NRXN3: variants seen among roughly 807,000 people sequenced by gnomAD.
The protein encoded by NRXN3 is neurexin 3.
NRXN3 carries 32 observed loss-of-function variants against 137.6 expected under a neutral mutation model. The ratio of observed to expected loss-of-function variants is 0.23; its 90% CI spans 0.18 to 0.31. NRXN3 has a LOEUF of 0.31. NRXN3 is among the 10% of genes least tolerant of loss of function. The pLI, the probability that NRXN3 is intolerant of heterozygous loss-of-function variation, is 1.00. For missense variants in NRXN3, 1,574 were observed against 2,062.5 expected, an observed-to-expected ratio of 0.76 and a Z score of 4.59; for synonymous variants, 798 against 784.5, an observed-to-expected ratio of 1.02 and a Z score of -0.29.
intron 4 of NRXN3, among the ~76,000 whole-genome samples, chr14:78,577,691 C>T (rs961200923): frequency 3.3e-5 from 5 of 152,168 alleles, no homozygotes; most frequent in African/African-American, 1.2e-4. Context: ...TCTCGAACTC[C>T]TGACCTCAGG....
intron 4 of NRXN3, among the ~76,000 whole-genome samples, chr14:78,373,944 T>C (rs2087327760): frequency 6.6e-6 from 1 of 152,198 alleles, no homozygotes; most frequent in Non-Finnish European, 1.5e-5. Context: ...TTAAAAAATA[T>C]TGGTTTTTAT....
chr14:78,480,682 C>G (rs534835478), intron 4 of NRXN3, among the ~76,000 whole-genome samples: 1 of 152,094 alleles, frequency 6.6e-6, no homozygotes, highest in Non-Finnish European at 1.5e-5. Context: ...AGGATACATC[C>G]TTTAAGGGTG....
chr14:79,329,747 C>A (rs1033792750), intron 15 of NRXN3, among the ~76,000 whole-genome samples: 8 of 152,050 alleles, frequency 5.3e-5, no homozygotes, highest in African/African-American at 1.7e-4. Flanking sequence ...CAGAAGAAAG[C>A]CAATTATGAA....
chr14:79,416,947 TG>T (rs1295013626), intron 15 of NRXN3, among the ~76,000 whole-genome samples: 4 of 152,162 alleles, frequency 2.6e-5, no homozygotes, highest in Admixed American at 6.6e-5. Context: ...ATAACAACTT[TG>T]GACACCAAAG....
At chr14:79,709,654 T>G (rs1423626587) in intron 19 of NRXN3, among the ~76,000 whole-genome samples, 2 of 152,116 alleles carry the variant, frequency 1.3e-5, no homozygotes, top group Admixed American at 1.3e-4. Context: ...GCTCTGCCTC[T>G]CCACTTTCTC....
In NRXN3 at chr14:79,588,421, C is replaced by T. The variant is rs112208888; in HGVS notation, c.3445-75357C>T. On this transcript the variant is annotated intron_variant, in intron 16 of 20. Coordinates refer to ENST00000335750, the MANE Select transcript of NRXN3 (RefSeq NM_001330195.2). ...TTCATGTCAGTAGTACCTCAAACTC[C>T]GCTTGTGAACTTAACACCCAGCTAT... Among the ~76,000 whole-genome samples the T allele has an allele frequency of 8.2e-4, 125 of 152,240 alleles. No individual in the cohort carries two copies. The Middle Eastern group carries it at 0.017, about 21-fold the overall frequency.
intron 15 of NRXN3, among the ~76,000 whole-genome samples, chr14:79,420,995 C>A (rs2095568276): frequency 6.6e-6 from 1 of 152,176 alleles, no homozygotes; most frequent in African/African-American, 2.4e-5. Flanking sequence ...ACAAGCATTG[C>A]AGGCCCCAGA....
At chr14:78,678,129 A>C (rs1301214232) in intron 6 of NRXN3, among the ~76,000 whole-genome samples, 1 of 152,028 alleles carries the variant, frequency 6.6e-6, no homozygotes, top group Non-Finnish European at 1.5e-5. Context: ...TATTTTTGAG[A>C]TATATCTGTA....
At chr14:78,799,566 T>G (rs2098832416) in intron 8 of NRXN3, among the ~76,000 whole-genome samples, 2 of 152,234 alleles carry the variant, frequency 1.3e-5, no homozygotes, top group Non-Finnish European at 2.9e-5. Flanking sequence ...TGCTTCCACA[T>G]TTTCAGGTAT....
intron 15 of NRXN3, among the ~76,000 whole-genome samples, chr14:79,131,153 C>T (rs1488727995): frequency 3.3e-5 from 5 of 152,214 alleles, no homozygotes; most frequent in East Asian, 1.9e-4. Flanking sequence ...GTAATTTGAT[C>T]GTCTGAAGCC....
At chr14:79,135,055 C>G (rs540026002) in intron 15 of NRXN3, among the ~76,000 whole-genome samples, 103 of 152,288 alleles carry the variant, frequency 6.8e-4, no homozygotes, top group South Asian at 1.9e-3. Context: ...TTTTTACTCT[C>G]TCTTGTATAT....
intron 15 of NRXN3, among the ~76,000 whole-genome samples, chr14:79,368,052 A>G (rs940346104): frequency 9.9e-5 from 15 of 152,230 alleles, no homozygotes; most frequent in Non-Finnish European, 1.9e-4. Context: ...TGATCATTTC[A>G]TCACTTGGAG....
chr14:79,057,729 G>C (rs2099667621), intron 15 of NRXN3, among the ~76,000 whole-genome samples: 1 of 152,206 alleles, frequency 6.6e-6, no homozygotes, highest in African/African-American at 2.4e-5. Flanking sequence ...TCTAAGGGGA[G>C]AGTTGGCAAG....
intron 1 of NRXN3, among the ~76,000 whole-genome samples, chr14:78,215,784 G>A (rs939755780): frequency 2.0e-5 from 3 of 150,826 alleles, no homozygotes; most frequent in South Asian, 2.1e-4. Flanking sequence ...GGGGGGCAGG[G>A]GTTAGTTTGT....
rs1290868495 is a variant in NRXN3, at chr14:79,032,076, G to A, written c.3262+43935G>A. Among the ~76,000 whole-genome samples, 9 of 152,274 alleles carry A rather than the reference G, an allele frequency of 5.9e-5. 1 individual carries two copies. The highest frequency in any genetic ancestry group is 4.6e-4 in the Admixed American group (7 of 15,282). The stretch of plus-strand genomic sequence containing the variant: ...AGGGAATGTTTCTCTTCTCTCTAGT[G>A]CAGGATAAATTTCATCAGTTCCCTG... On this transcript the variant is annotated intron_variant, in intron 15 of 20. Coordinates refer to ENST00000335750, the MANE Select transcript of NRXN3 (RefSeq NM_001330195.2).
rs2099347085 is a variant in NRXN3 at position 78,938,842 on chromosome 14, A to ATTTTTCTTTTTTTTTTTTTTTTT, written c.2276-18378_2276-18377insTTTTTTCTTTTTTTTTTTTTTTT. Among the ~76,000 whole-genome samples, 4 of 134,368 alleles carry ATTTTTCTTTTTTTTTTTTTTTTT rather than the reference A, an allele frequency of 3.0e-5. 1 individual carries two copies. Among genetic ancestry groups the ATTTTTCTTTTTTTTTTTTTTTTT allele is most frequent in the African/African-American group, 1.2e-4 (4 of 33,658 alleles). 88.2% of individuals were successfully genotyped at this position (134,368 alleles called of 152,430 possible). A position where few individuals can be genotyped will look rare whatever the true frequency, so the allele number is the denominator to read the frequency against. On this transcript the variant is annotated intron_variant, in intron 10 of 20. Coordinates refer to ENST00000335750, the MANE Select transcript of NRXN3 (RefSeq NM_001330195.2). The stretch of plus-strand genomic sequence containing the variant: ...ACTTTATATTTGAAGGTCCAGAGTG[A>ATTTTTCTTTTTTTTTTTTTTTTT]TTTTTCTTTTTTTTTTTTTTTTGAG...
At chr14:79,232,237 C>T (rs555645789) in intron 15 of NRXN3, among the ~76,000 whole-genome samples, 8 of 152,072 alleles carry the variant, frequency 5.3e-5, no homozygotes, top group South Asian at 2.1e-4. Context: ...CCCCTTGCCA[C>T]GTCTTTGTGT....
chr14:78,190,288 C>G (rs12100630), intron 1 of NRXN3, among the ~76,000 whole-genome samples: 41,065 of 152,178 alleles, frequency 0.27, 6,033 homozygotes, highest in East Asian at 0.36. Context: ...TCATTTTGAA[C>G]AGGAATACCT....
In NRXN3 at chr14:78,785,648, C is replaced by T. The variant is rs373663282; in HGVS notation, c.2045-17972C>T. On this transcript the variant is annotated intron_variant, in intron 8 of 20. Coordinates refer to ENST00000335750, the MANE Select transcript of NRXN3 (RefSeq NM_001330195.2). ...ATGACTTAATTTTAGCTGTGTTCTT[C>T]GTTGTTGCTGCAGTAGTAGCCTGCG... Among the ~76,000 whole-genome samples the T allele has an allele frequency of 5.3e-5, 8 of 152,254 alleles. No individual in the cohort carries two copies. The South Asian group carries it at 1.0e-3, about 20-fold the overall frequency.
Sources: gnomAD v4.1 joint callset for allele counts (sites outside exome capture counted in the v4.1 genomes callset) on GRCh38, gnomAD v4.1.1 for gene constraint, MANE v1.5 for transcripts, NCBI Gene and HGNC (gene_info 2026-07-23, HGNC 2026-07-21) for gene names.